YES1: variants seen among roughly 807,000 people sequenced by gnomAD.
YES1 encodes the protein YES proto-oncogene 1, Src family tyrosine kinase.
Under a neutral mutation model 70.4 loss-of-function variants are expected in YES1, and 39 were observed. The observed-to-expected ratio is 0.55, with a 90% CI of 0.43 to 0.72. YES1 has a LOEUF of 0.72. Among genes scored for constraint, YES1 ranks in the 30% least tolerant of loss-of-function variants. YES1 has a pLI of 0.00. For synonymous variants in YES1, 198 were observed against 218.6 expected (o/e 0.91, Z 0.83); for missense variants, 495 against 644.8 (o/e 0.77, Z 2.52).
chr18:784,269 T>C (rs990725144), intron 1 of YES1, among the ~76,000 whole-genome samples: 2 of 152,246 alleles, frequency 1.3e-5, no homozygotes, highest in African/African-American at 4.8e-5. Flanking sequence ...TCTAAGTGTG[T>C]ACATTGGATG....
At chr18:744,557 A>AT (rs1313597492) in intron 6 of YES1, among the ~76,000 whole-genome samples, 1 of 150,478 alleles carries the variant, frequency 6.6e-6, no homozygotes, top group Admixed American at 6.6e-5. Context: ...GCCTGGCTAA[A>AT]TTTTTTTATA....
chr18:776,964 C>T (rs1905415399), intron 1 of YES1, among the ~76,000 whole-genome samples: 1 of 152,122 alleles, frequency 6.6e-6, no homozygotes, highest in Non-Finnish European at 1.5e-5. Context: ...ACTAATCTTC[C>T]AAAACATGTA....
intron 9 of YES1, 44 bp from the exon 10 acceptor site, chr18:737,005 G>A: frequency 6.7e-7 from 1 of 1,500,618 alleles, no homozygotes; most frequent in Non-Finnish European, 9.0e-7. Context: ...ACGATACAAA[G>A]GGAAGCAGAG....
Position 722,288 on chromosome 18 carries a change from C to T in YES1, c.*2136G>A, listed in dbSNP as rs920041133. 3.3e-5 allele frequency: 5 copies of T among 152,630 alleles called. No homozygotes were observed. The highest frequency in any genetic ancestry group is 1.2e-4 in the African/African-American group (5 of 41,436). 9.5% of individuals were successfully genotyped at this position (152,630 alleles called of 1,614,324 possible). A position where few individuals can be genotyped will look rare whatever the true frequency, so the allele number is the denominator to read the frequency against. The stretch of plus-strand genomic sequence containing the variant: ...ACCCTCTTGGTAGAGAGTGTCAATA[C>T]TAAGCAGGTTACGTAAACAGAAAAA... On this transcript the variant is annotated 3_prime_UTR_variant, in exon 12 of 12. Coordinates refer to ENST00000314574, the MANE Select transcript of YES1 (RefSeq NM_005433.4).
intron 1 of YES1, among the ~76,000 whole-genome samples, chr18:770,748 C>T (rs1296480805): frequency 6.6e-6 from 1 of 152,156 alleles, no homozygotes; most frequent in Non-Finnish European, 1.5e-5. Context: ...TGTCCAAAGT[C>T]TAAAACCCAT....
At chr18:727,064 A>G (rs1262012714) in intron 11 of YES1, among the ~76,000 whole-genome samples, 12 of 152,192 alleles carry the variant, frequency 7.9e-5, no homozygotes, top group African/African-American at 2.7e-4. Flanking sequence ...TTTCTTCTTT[A>G]AAGATGGGTA....
At chr18:737,265 CA>C (rs1212576711) in intron 9 of YES1, 8 of 207,664 alleles carry the variant, frequency 3.9e-5, no homozygotes, top group Non-Finnish European at 7.7e-5. Flanking sequence ...TCAGCCTGGC[CA>C]ACACGGTGAA....
At chr18:754,820 T>C (rs1598908212) in intron 2 of YES1, among the ~76,000 whole-genome samples, 1 of 152,164 alleles carries the variant, frequency 6.6e-6, no homozygotes, top group African/African-American at 2.4e-5. Context: ...TTCATAGCAT[T>C]TAAGGATCAT....
intron 1 of YES1, among the ~76,000 whole-genome samples, chr18:765,033 T>G (rs1417973556): frequency 6.6e-6 from 1 of 151,014 alleles, no homozygotes; most frequent in Non-Finnish European, 1.5e-5. Flanking sequence ...CTCGCCCGGC[T>G]TATCTGAATC....
Position 722,077 on chromosome 18 carries a change from T to C in YES1, c.*2347A>G, listed in dbSNP as rs551644008. ...GGAACTGCTCCATTCAGTTAAAACC[T>C]AATGAATACCATCAACTTTTCCTGC... is the stretch of plus-strand genomic sequence containing the variant. On this transcript the variant is annotated 3_prime_UTR_variant, in exon 12 of 12. Transcript: ENST00000314574. 1 of 152,792 alleles carries C rather than the reference T, an allele frequency of 6.5e-6. No individual in the cohort carries two copies. The highest frequency in any genetic ancestry group is 1.9e-4 in the East Asian group (1 of 5,194). The allele number at this position is 152,792 out of a possible 1,614,324, so 9.5% of individuals were successfully genotyped here. A position where few individuals can be genotyped will look rare whatever the true frequency, so the allele number is the denominator to read the frequency against.
At chr18:766,234 T>C (rs1275161124) in intron 1 of YES1, among the ~76,000 whole-genome samples, 1 of 152,190 alleles carries the variant, frequency 6.6e-6, no homozygotes, top group Non-Finnish European at 1.5e-5. Flanking sequence ...TATTGCCAGT[T>C]GGCTAGTTGA....
chr18:790,439 T>C (rs1906187048), intron 1 of YES1, among the ~76,000 whole-genome samples: 2 of 152,236 alleles, frequency 1.3e-5, no homozygotes, highest in South Asian at 4.1e-4. Context: ...AGATTTCTGT[T>C]TCTCGTTTCT....
At chr18:812,014 A>C (rs770457987) in intron 1 of YES1, 100 bp downstream of exon 1, 12 of 134,170 alleles carry the variant, frequency 8.9e-5, no homozygotes, top group Non-Finnish European at 1.5e-4. Context: ...GGGGCGGGGA[A>C]CCGCGGCGGC....
chr18:755,619 G>A (rs1598908892), intron 2 of YES1, among the ~76,000 whole-genome samples: 1 of 152,252 alleles, frequency 6.6e-6, no homozygotes, highest in East Asian at 1.9e-4. Context: ...TATGCTTGTA[G>A]TGGGGATTTA....
intron 1 of YES1, among the ~76,000 whole-genome samples, chr18:775,688 T>G (rs1905344121): frequency 6.6e-6 from 1 of 152,012 alleles, no homozygotes; most frequent in African/African-American, 2.4e-5. Flanking sequence ...TCCCAGACAC[T>G]TGGGAGGCTG....
chr18:730,425 G>C (rs2080074761), intron 11 of YES1, among the ~76,000 whole-genome samples: 1 of 150,704 alleles, frequency 6.6e-6, no homozygotes, highest in Admixed American at 6.6e-5. Context: ...GCTCACTGCA[G>C]CTTCAAATTC....
intron 1 of YES1, among the ~76,000 whole-genome samples, chr18:762,378 G>C (rs1373922271): frequency 6.6e-6 from 1 of 152,142 alleles, no homozygotes; most frequent in Non-Finnish European, 1.5e-5. Context: ...AAACCTACCT[G>C]TTGGATATTA....
chr18:721,957 T>C lies in YES1; in HGVS notation c.*2467A>G, dbSNP rs1438754512. The C allele has an allele frequency of 3.3e-5, 5 of 152,574 alleles. No individual in the cohort carries two copies. The highest frequency in any genetic ancestry group is 7.3e-5 in the Non-Finnish European group (5 of 68,038). The allele number at this position is 152,574 out of a possible 1,614,324, so 9.5% of individuals were successfully genotyped here. A position where few individuals can be genotyped will look rare whatever the true frequency, so the allele number is the denominator to read the frequency against. On this transcript the variant is annotated 3_prime_UTR_variant, in exon 12 of 12. Transcript: ENST00000314574. The stretch of plus-strand genomic sequence containing the variant: ...GGAAAATATCTCCAAATTTACAAAG[T>C]TGTTTTTCTTGGCAATTTAAAAATA...
chr18:768,947 C>T (rs1483627937), intron 1 of YES1, among the ~76,000 whole-genome samples: 1 of 152,164 alleles, frequency 6.6e-6, no homozygotes, highest in African/African-American at 2.4e-5. Context: ...CAGTGATCCA[C>T]CTGCCTCAGC....
Sources: gnomAD v4.1 joint callset for allele counts (sites outside exome capture counted in the v4.1 genomes callset) on GRCh38, gnomAD v4.1.1 for gene constraint, MANE v1.5 for transcripts, NCBI Gene and HGNC (gene_info 2026-07-23, HGNC 2026-07-21) for gene names.